The following SUCLG2 variants were observed in gnomAD, a reference collection of about 807,000 sequenced individuals.
SUCLG2 encodes the protein succinate--CoA ligase [GDP-forming] subunit beta, mitochondrial.
In SUCLG2, 42 loss-of-function variants were observed where a neutral mutation model predicts 47.9. The observed-to-expected ratio is 0.88, with a 90% CI of 0.69 to 1.14. The LOEUF is 1.14. SUCLG2 is among the 50% of genes most tolerant of loss of function. The pLI is 0.00. For synonymous variants in SUCLG2, 195 were observed against 197.3 expected, an observed-to-expected ratio of 0.99 and a Z score of 0.10; for missense variants, 571 against 525.9, an observed-to-expected ratio of 1.09 and a Z score of -0.84.
rs544305410 is a variant in SUCLG2, at chr3:67,498,227, T to C, written c.826A>G (p.Met276Val). Residue 276 changes from methionine (M) to valine (V), a missense_variant, in exon 8 of 11, where the codon ATG becomes GTG. Met to Val is a conservative substitution (Grantham distance 21). Coordinates refer to ENST00000307227, the MANE Select transcript of SUCLG2 (RefSeq NM_003848.4). ...AEFRQKDIFA[M>V]DDKSENEPIE... ...GGCTCATTCTCTGATTTGTCGTCCA[T>C]AGCAAATATGTCTTTTTGTCGGAAT... 12 of 1,613,952 alleles carry C rather than the reference T, an allele frequency of 7.4e-6. No individual in the cohort carries two copies. Among genetic ancestry groups the C allele is most frequent in the Admixed American group, 3.3e-5 (2 of 60,016 alleles).
intron 2 of SUCLG2, among the ~76,000 whole-genome samples, chr3:67,573,006 T>G (rs2634727): frequency 1.3e-5 from 2 of 151,870 alleles, no homozygotes; most frequent in Non-Finnish European, 2.9e-5. Context: ...CAAAGATCAA[T>G]TGTATTTCAA....
At chr3:67,470,862 C>T (rs1704587837) in intron 9 of SUCLG2, among the ~76,000 whole-genome samples, 1 of 152,218 alleles carries the variant, frequency 6.6e-6, no homozygotes, top group Non-Finnish European at 1.5e-5. Flanking sequence ...AAGATACCCA[C>T]TGCCATCCTT....
chr3:67,491,707 T>C (rs1229034442), intron 9 of SUCLG2, among the ~76,000 whole-genome samples: 1 of 152,194 alleles, frequency 6.6e-6, no homozygotes, highest in Non-Finnish European at 1.5e-5. Flanking sequence ...GTTCACTTTG[T>C]AATAATTCAT....
intron 2 of SUCLG2, among the ~76,000 whole-genome samples, chr3:67,604,792 G>A (rs1410296299): frequency 1.3e-5 from 2 of 152,114 alleles, no homozygotes; most frequent in South Asian, 2.1e-4. Flanking sequence ...GAGACAATCC[G>A]CAGAGAAGTC....
intron 10 of SUCLG2, among the ~76,000 whole-genome samples, chr3:67,369,689 G>A (rs1000099141): frequency 2.0e-5 from 3 of 152,200 alleles, no homozygotes; most frequent in East Asian, 1.9e-4. Flanking sequence ...AGTTGGAGGC[G>A]TATGCCGTTG....
intron 9 of SUCLG2, among the ~76,000 whole-genome samples, chr3:67,477,931 G>A (rs1273086261): frequency 6.6e-6 from 1 of 152,180 alleles, no homozygotes; most frequent in Admixed American, 6.5e-5. Context: ...GACACTGTTT[G>A]CCAGAAACTG....
intron 7 of SUCLG2, among the ~76,000 whole-genome samples, chr3:67,503,763 C>T (rs986692933): frequency 3.3e-5 from 5 of 152,160 alleles, no homozygotes; most frequent in Non-Finnish European, 1.5e-5. Flanking sequence ...ATAGATTATA[C>T]AAATGTATTT....
chr3:67,399,410 C>T (rs1325113300), intron 10 of SUCLG2, among the ~76,000 whole-genome samples: 2 of 152,184 alleles, frequency 1.3e-5, no homozygotes, highest in African/African-American at 2.4e-5. Flanking sequence ...TATAGTTGCT[C>T]AGACTTGGTT....
intron 9 of SUCLG2, among the ~76,000 whole-genome samples, chr3:67,417,688 C>T (rs747929913): frequency 2.6e-5 from 4 of 152,128 alleles, no homozygotes; most frequent in Non-Finnish European, 5.9e-5. Flanking sequence ...TAACACATAA[C>T]CCACAGATGT....
At chr3:67,399,201 T>A (rs549512467) in intron 10 of SUCLG2, among the ~76,000 whole-genome samples, 4 of 151,824 alleles carry the variant, frequency 2.6e-5, no homozygotes, top group African/African-American at 7.3e-5. Flanking sequence ...AGAAAAAAAA[T>A]TATTTCATTA....
intron 10 of SUCLG2, among the ~76,000 whole-genome samples, chr3:67,365,070 G>A (rs1463125691): frequency 1.3e-5 from 2 of 152,168 alleles, no homozygotes; most frequent in Non-Finnish European, 2.9e-5. Flanking sequence ...AAAAGCATCT[G>A]TAAACTGGAA....
intron 1 of SUCLG2, among the ~76,000 whole-genome samples, chr3:67,618,493 CAGA>C (rs1275241583): frequency 3.3e-5 from 5 of 152,162 alleles, no homozygotes; most frequent in Admixed American, 3.3e-4. Context: ...CCCCATCTCA[CAGA>C]AGAAGTCTGA....
chr3:67,649,733 A>C (rs927728500), intron 1 of SUCLG2, among the ~76,000 whole-genome samples: 1 of 152,376 alleles, frequency 6.6e-6, no homozygotes, highest in East Asian at 1.9e-4. Flanking sequence ...AAATATTTCC[A>C]AATCTCTCAA....
chr3:67,418,504 G>GAAC (rs1703084131), intron 9 of SUCLG2, among the ~76,000 whole-genome samples: 1 of 152,164 alleles, frequency 6.6e-6, no homozygotes, highest in South Asian at 2.1e-4. Flanking sequence ...CTGTTCTGGT[G>GAAC]AACAGTAAGG....
chr3:67,651,584 G>A (rs757032629), intron 1 of SUCLG2, among the ~76,000 whole-genome samples: 1 of 152,152 alleles, frequency 6.6e-6, no homozygotes, highest in Non-Finnish European at 1.5e-5. Context: ...TATAAGTCAG[G>A]GGACTGGTGA....
At chr3:67,398,782 C>T (rs1297704978) in intron 10 of SUCLG2, among the ~76,000 whole-genome samples, 1 of 152,178 alleles carries the variant, frequency 6.6e-6, no homozygotes, top group African/African-American at 2.4e-5. Flanking sequence ...AAATGTCCAA[C>T]GATGATAGAC....
intron 2 of SUCLG2, among the ~76,000 whole-genome samples, chr3:67,541,428 T>C (rs1290038788): frequency 6.6e-6 from 1 of 152,074 alleles, no homozygotes; most frequent in Non-Finnish European, 1.5e-5. Flanking sequence ...GAAGAAAGGA[T>C]ATCAGAGATT....
rs187769438 is a variant in SUCLG2 at position 67,544,714 on chromosome 3, A to G, written c.227-15528T>C. Among the ~76,000 whole-genome samples the G allele has an allele frequency of 3.2e-4, 49 of 152,254 alleles. 1 individual carries two copies. In the East Asian group the frequency reaches 9.5e-3, roughly 29 times the overall value. On this transcript the variant is annotated intron_variant, in intron 2 of 10. Coordinates refer to ENST00000307227, the MANE Select transcript of SUCLG2 (RefSeq NM_003848.4). ...CAAGGACATGGAGTGAAAAACAACT[A>G]AAAAAAGGCTACTTTGCTTTTCTAT...
chr3:67,536,854 C>T (rs746480727), intron 2 of SUCLG2, among the ~76,000 whole-genome samples: 5 of 152,174 alleles, frequency 3.3e-5, no homozygotes, highest in Non-Finnish European at 7.3e-5. Context: ...CCTTTGATAG[C>T]GCAATCCTAC....
Sources: allele counts gnomAD v4.1 joint callset (sites outside exome capture counted in the v4.1 genomes callset), GRCh38; gene constraint gnomAD v4.1.1; transcripts MANE v1.5; gene names NCBI Gene and HGNC (gene_info 2026-07-23, HGNC 2026-07-21).